The following CHD9 variants were observed in gnomAD, a reference collection of about 807,000 sequenced individuals.
The protein encoded by CHD9 is chromodomain helicase DNA binding protein 9, also known as ATP-dependent chromatin remodeler CHD9.
Under a neutral mutation model 316.1 loss-of-function variants are expected in CHD9, and 77 were observed. The observed-to-expected ratio is 0.24, with a 90% CI of 0.20 to 0.29. The LOEUF (loss-of-function observed/expected upper bound fraction) is 0.29, where lower values mean the gene tolerates loss of function less well. CHD9 is among the 10% of genes least tolerant of loss of function. The pLI, the probability that CHD9 is intolerant of heterozygous loss-of-function variation, is 1.00. For missense variants in CHD9, 2,763 were observed against 3,438.1 expected (o/e 0.80, Z 4.91); for synonymous variants, 1,129 against 1,158.3 (o/e 0.97, Z 0.51).
At chr16:53,184,450 C>T (rs190724938) in intron 2 of CHD9, among the ~76,000 whole-genome samples, 1 of 152,214 alleles carries the variant, frequency 6.6e-6, no homozygotes, top group African/African-American at 2.4e-5. Flanking sequence ...TATCCTCTCA[C>T]CCCAACCTCC....
At chr16:53,203,892 C>T (rs1032943489) in intron 2 of CHD9, among the ~76,000 whole-genome samples, 8 of 150,884 alleles carry the variant, frequency 5.3e-5, no homozygotes, top group African/African-American at 1.7e-4. Flanking sequence ...GGCGTGGTGG[C>T]GGGCGCCTGT....
At chr16:53,241,298 C>T (rs1022029938) in intron 12 of CHD9, among the ~76,000 whole-genome samples, 1 of 152,136 alleles carries the variant, frequency 6.6e-6, no homozygotes, top group Non-Finnish European at 1.5e-5. Flanking sequence ...TTTCTCAAGC[C>T]CCCTTTATTG....
chr16:53,080,155 G>T (rs1441332503), intron 1 of CHD9, among the ~76,000 whole-genome samples: 1 of 152,178 alleles, frequency 6.6e-6, no homozygotes, highest in Non-Finnish European at 1.5e-5. Context: ...TTGGAGAATT[G>T]GTTGGCATGG....
intron 1 of CHD9, among the ~76,000 whole-genome samples, chr16:53,075,800 TA>T (rs1387416746): frequency 1.5e-4 from 23 of 152,182 alleles, no homozygotes; most frequent in African/African-American, 4.8e-4. Flanking sequence ...GACTAATACA[TA>T]TGGTAATTTC....
At chr16:53,311,428 T>A (rs553766719) in intron 34 of CHD9, 1 of 152,248 alleles carries the variant, frequency 6.6e-6, no homozygotes, top group South Asian at 2.1e-4. Context: ...ATGGGTTAAA[T>A]AAAACAATGT....
intron 1 of CHD9, among the ~76,000 whole-genome samples, chr16:53,090,966 C>A (rs1411657873): frequency 6.6e-6 from 1 of 152,042 alleles, no homozygotes; most frequent in African/African-American, 2.4e-5. Context: ...CATCTGCTGC[C>A]CTGTGTTTTG....
intron 1 of CHD9, among the ~76,000 whole-genome samples, chr16:53,084,002 A>G (rs932458089): frequency 6.6e-6 from 1 of 151,924 alleles, no homozygotes; most frequent in African/African-American, 2.4e-5. Flanking sequence ...CTCCCGCCTC[A>G]GCCTCTTAAA....
At chr16:53,290,242 C>T (rs1567629348) in intron 27 of CHD9, among the ~76,000 whole-genome samples, 1 of 152,064 alleles carries the variant, frequency 6.6e-6, no homozygotes, top group Non-Finnish European at 1.5e-5. Flanking sequence ...CCACTGCACT[C>T]CTGGGTGATA....
At chr16:53,145,278 A>G (rs2040477543) in intron 1 of CHD9, among the ~76,000 whole-genome samples, 1 of 151,664 alleles carries the variant, frequency 6.6e-6, no homozygotes, top group South Asian at 2.1e-4. Context: ...CAGCCTCCCA[A>G]ATAGCTGGGA....
chr16:53,259,344 C>T (rs917848971), intron 19 of CHD9, among the ~76,000 whole-genome samples: 3 of 152,018 alleles, frequency 2.0e-5, no homozygotes, highest in Admixed American at 6.6e-5. Context: ...AAATTTTTTA[C>T]ATTATCAATA....
intron 1 of CHD9, among the ~76,000 whole-genome samples, chr16:53,154,908 A>G (rs2041399042): frequency 6.6e-6 from 1 of 152,244 alleles, no homozygotes; most frequent in Non-Finnish European, 1.5e-5. Context: ...TTGATTGATT[A>G]AAATGATCTT....
At chr16:53,194,877 A>G (rs575774035) in intron 2 of CHD9, among the ~76,000 whole-genome samples, 1 of 152,316 alleles carries the variant, frequency 6.6e-6, no homozygotes, top group East Asian at 1.9e-4. Flanking sequence ...TTTCTTAATG[A>G]AATATATCTG....
intron 1 of CHD9, among the ~76,000 whole-genome samples, chr16:53,082,920 C>G (rs763871459): frequency 2.0e-5 from 3 of 152,234 alleles, no homozygotes; most frequent in Non-Finnish European, 4.4e-5. Context: ...TCTGAGTGCT[C>G]ACCCTGCTGA....
intron 1 of CHD9, among the ~76,000 whole-genome samples, chr16:53,128,626 C>G (rs934253738): frequency 6.6e-6 from 1 of 152,170 alleles, no homozygotes; most frequent in Admixed American, 6.5e-5. Flanking sequence ...TTGATTCTTG[C>G]TAACTTCAAT....
Position 53,209,375 on chromosome 16 carries a change from A to C in CHD9, c.1453-107A>C, listed in dbSNP as rs2046146872. ...TGTTTGTAGCACTCACATATTTGCT[A>C]ATGTAATTTTACCTCTCTAAACATA... is the stretch of plus-strand genomic sequence containing the variant. On this transcript the variant is annotated intron_variant, in intron 2 of 38. Transcript: ENST00000447540. The C allele has an allele frequency of 5.8e-5, 45 of 772,394 alleles. No individual in the cohort carries two copies. In the South Asian group the frequency reaches 9.2e-4, roughly 16 times the overall value. The allele number at this position is 772,394 out of a possible 1,614,324, so 47.8% of individuals were successfully genotyped here.
intron 3 of CHD9, among the ~76,000 whole-genome samples, chr16:53,215,617 G>GT (rs1370095527): frequency 6.6e-6 from 1 of 152,088 alleles, no homozygotes; most frequent in African/African-American, 2.4e-5. Flanking sequence ...AAAAAATAAT[G>GT]TGACATTATA....
intron 2 of CHD9, among the ~76,000 whole-genome samples, chr16:53,174,169 A>G (rs112942929): frequency 0.032 from 4,928 of 152,256 alleles, 100 homozygotes; most frequent in Middle Eastern, 0.071. Context: ...CTGTAGTCCC[A>G]GCTCCTCAGG....
intron 11 of CHD9, among the ~76,000 whole-genome samples, chr16:53,236,619 C>T (rs1026664610): frequency 6.6e-6 from 1 of 150,510 alleles, no homozygotes; most frequent in Non-Finnish European, 1.5e-5. Flanking sequence ...CCCATTCCCC[C>T]CCACCACCAC....
At chr16:53,276,473 C>G (rs559977152) in intron 24 of CHD9, among the ~76,000 whole-genome samples, 1 of 152,124 alleles carries the variant, frequency 6.6e-6, no homozygotes, top group African/African-American at 2.4e-5. Context: ...CCAACTACCA[C>G]CCTCCAATAA....
Sources: gnomAD v4.1 joint callset for allele counts (sites outside exome capture counted in the v4.1 genomes callset) on GRCh38, gnomAD v4.1.1 for gene constraint, MANE v1.5 for transcripts, NCBI Gene and HGNC (gene_info 2026-07-23, HGNC 2026-07-21) for gene names.